Variants in HDLBP observed in about 807,000 individuals in gnomAD.
The protein encoded by HDLBP is high density lipoprotein binding protein, also known as vigilin.
Under a neutral mutation model 137.3 loss-of-function variants are expected in HDLBP, and 30 were observed. The observed-to-expected ratio is 0.22, with a 90% CI of 0.16 to 0.30. The LOEUF (loss-of-function observed/expected upper bound fraction) is 0.30. Among genes scored for constraint, HDLBP ranks in the 10% least tolerant of loss-of-function variants. HDLBP has a pLI of 1.00. For synonymous variants in HDLBP, 606 were observed against 596.0 expected, an observed-to-expected ratio of 1.02 and a Z score of -0.24; for missense variants, 1,119 against 1,667.3, an observed-to-expected ratio of 0.67 and a Z score of 5.73.
Position 241,255,041 on chromosome 2 carries a change from G to T in HDLBP, c.1188+10C>A. ...AAATTCAATACAACAGGTGAAAAAC[G>T]TGTCCTTACCTTTGGCATCTGCTGA... is the stretch of plus-strand genomic sequence containing the variant. On this transcript the variant is annotated intron_variant, in intron 9 of 27. Coordinates refer to ENST00000310931, the MANE Select transcript of HDLBP (RefSeq NM_005336.6). 1 of 1,572,800 alleles carries T rather than the reference G, an allele frequency of 6.4e-7. No individual in the cohort carries two copies. The highest frequency in any genetic ancestry group is 8.8e-7 in the Non-Finnish European group (1 of 1,142,476).
intron 17 of HDLBP, among the ~76,000 whole-genome samples, chr2:241,241,036 T>G (rs2071161764): frequency 6.6e-6 from 1 of 151,904 alleles, no homozygotes; most frequent in South Asian, 2.1e-4. Context: ...CATCCACAAA[T>G]AGCAGCATTA....
intron 1 of HDLBP, among the ~76,000 whole-genome samples, chr2:241,314,696 G>A (rs2149746694): frequency 6.6e-6 from 1 of 152,232 alleles, no homozygotes; most frequent in East Asian, 1.9e-4. Context: ...TTTTTAAGTC[G>A]AATGGAGAGG....
At chr2:241,292,997 G>T (rs560581346) in intron 1 of HDLBP, among the ~76,000 whole-genome samples, 1 of 151,764 alleles carries the variant, frequency 6.6e-6, no homozygotes, top group Non-Finnish European at 1.5e-5. Flanking sequence ...CACTGCACTC[G>T]GCCTGGGCAA....
rs2149445342 is a variant in HDLBP at position 241,248,275 on chromosome 2, C to T, written c.1586G>A (p.Arg529Gln). 1.2e-6 allele frequency: 2 copies of T among 1,613,922 alleles called. No individual in the cohort carries two copies. The highest frequency in any genetic ancestry group is 1.1e-5 in the South Asian group (1 of 91,074). Reference sequence around the variant, plus strand: ...GAATTTGTCACGAATTTCACGGATCCGTTCACCCTTCTGCCCAATGATTGT... The same window carrying T: ...GAATTTGTCACGAATTTCACGGATCTGTTCACCCTTCTGCCCAATGATTGT... ...HRTIIGQKGE[R>Q]IREIRDKFPE... The change falls in exon 13 of 28, where the codon CGG (arginine) becomes CAG (glutamine). Residue 529 changes from arginine to glutamine, a missense_variant. This residue lies in a region of HDLBP where 425 missense variants were observed against 693.9 expected (regional missense o/e 0.61). Transcript: ENST00000310931.
At position 241,253,500 on chromosome 2, in the gene HDLBP, A is replaced by C; in HGVS notation, c.1189-3T>G. 1 of 1,603,924 alleles carries C rather than the reference A, an allele frequency of 6.2e-7. No homozygotes were observed. The highest frequency in any genetic ancestry group is 8.5e-7 in the Non-Finnish European group (1 of 1,170,786). Reference sequence around the variant, plus strand: ...CCCTCTGTGAACTCGATGTGAACCTACCACACCAAAACCAAAGAGATAGCT... The same window carrying C: ...CCCTCTGTGAACTCGATGTGAACCTCCCACACCAAAACCAAAGAGATAGCT... On this transcript the variant is annotated splice_polypyrimidine_tract_variant and splice_region_variant and intron_variant, in intron 9 of 27. Transcript: ENST00000310931.
Position 241,272,226 on chromosome 2 carries a change from T to G in HDLBP, c.-102-3685A>C. Reference sequence around the variant, plus strand: ...GCTGCGGGGGCCCCGCCGCCCGGTCTGCGCCCAGACCCCCGCCCCGCCGCC... The same window carrying G: ...GCTGCGGGGGCCCCGCCGCCCGGTCGGCGCCCAGACCCCCGCCCCGCCGCC... On this transcript the variant is annotated intron_variant, in intron 1 of 27. Coordinates refer to ENST00000310931, the MANE Select transcript of HDLBP (RefSeq NM_005336.6). The surrounding 1 kb of genome is among the most constrained non-coding windows in gnomAD (Gnocchi z 5.6). The G allele has an allele frequency of 1.0e-6, 1 of 976,784 alleles. No homozygotes were observed. The highest frequency in any genetic ancestry group is 1.2e-6 in the Non-Finnish European group (1 of 822,332). The allele number at this position is 976,784 out of a possible 1,614,324, so 60.5% of individuals were successfully genotyped here.
intron 1 of HDLBP, among the ~76,000 whole-genome samples, chr2:241,295,210 T>A (rs1299416003): frequency 6.6e-6 from 1 of 152,152 alleles, no homozygotes; most frequent in Non-Finnish European, 1.5e-5. Context: ...CTATGGAGTT[T>A]AACATCAGCA....
In HDLBP at chr2:241,272,755, G is replaced by A. The variant is rs1002342934; in HGVS notation, c.-102-4214C>T. ...CAGGCCTCCCAGCCCCGTGTTGCGC[G>A]CTCACTCGTGGGCCCCCGCCCGCTG... On this transcript the variant is annotated intron_variant, in intron 1 of 27. Transcript: ENST00000310931. The surrounding 1 kb of genome is among the most constrained non-coding windows in gnomAD (Gnocchi z 5.6). 1.5e-5 allele frequency: 5 copies of A among 337,704 alleles called. No homozygotes were observed. Among genetic ancestry groups the A allele is most frequent in the South Asian group, 1.2e-4 (1 of 8,440 alleles). 20.9% of individuals were successfully genotyped at this position (337,704 alleles called of 1,614,324 possible). A position where few individuals can be genotyped will look rare whatever the true frequency, so the allele number is the denominator to read the frequency against.
intron 11 of HDLBP, chr2:241,250,956 C>T (rs2072095688): frequency 6.6e-6 from 1 of 152,150 alleles, no homozygotes; most frequent in Non-Finnish European, 1.5e-5. Context: ...GTTAGATTTA[C>T]ACTACTGTAC....
At chr2:241,245,211 T>C (rs1377356942) in intron 16 of HDLBP, among the ~76,000 whole-genome samples, 2 of 151,144 alleles carry the variant, frequency 1.3e-5, no homozygotes, top group African/African-American at 4.9e-5. Context: ...TGAGACAAGG[T>C]CTGGCTCTAT....
intron 1 of HDLBP, among the ~76,000 whole-genome samples, chr2:241,278,583 CAAAA>C (rs34809445): frequency 2.1e-5 from 3 of 142,734 alleles, no homozygotes; most frequent in African/African-American, 7.8e-5. Context: ...ACTCCATCTC[CAAAA>C]AAAAAAAAAT....
At chr2:241,310,538 T>A (rs2075727800) in intron 1 of HDLBP, among the ~76,000 whole-genome samples, 1 of 152,190 alleles carries the variant, frequency 6.6e-6, no homozygotes, top group Non-Finnish European at 1.5e-5. Flanking sequence ...TGTACAAGTA[T>A]AATTTGTCAA....
At chr2:241,299,220 G>T (rs1370701780) in intron 1 of HDLBP, among the ~76,000 whole-genome samples, 2 of 152,156 alleles carry the variant, frequency 1.3e-5, no homozygotes, top group African/African-American at 4.8e-5. Flanking sequence ...ACTGTGATTA[G>T]AAAAACTAAA....
intron 1 of HDLBP, among the ~76,000 whole-genome samples, chr2:241,300,955 ATTAT>A (rs2075374788): frequency 2.0e-5 from 1 of 49,338 alleles, no homozygotes; most frequent in Non-Finnish European, 4.3e-5. Context: ...ACATACTATT[ATTAT>A]TATTATTATT....
chr2:241,307,482 A>C (rs1160551687), intron 1 of HDLBP, among the ~76,000 whole-genome samples: 1 of 152,220 alleles, frequency 6.6e-6, no homozygotes, highest in Non-Finnish European at 1.5e-5. Context: ...TGACAGTATT[A>C]ATAGATTAAT....
chr2:241,249,886 G>A lies in HDLBP; in HGVS notation c.1467C>T (p.Gly489=), dbSNP rs766512398. 8 of 1,613,710 alleles carry A rather than the reference G, an allele frequency of 5.0e-6. No individual in the cohort carries two copies. Among genetic ancestry groups the A allele is most frequent in the South Asian group, 2.2e-5 (2 of 91,064 alleles). Residue 489 remains glycine, a synonymous_variant, in exon 12 of 28, where the codon GGC becomes GGT. Coordinates refer to ENST00000310931, the MANE Select transcript of HDLBP (RefSeq NM_005336.6). ...GCAGCTCTCGCTTGGCCTGCTGCAC[G>A]CCCTGTGGGTCCCCCTCGATGCGGA... The part of the protein sequence containing the change: ...NLIRIEGDPQ[G]VQQAKRELLE...
chr2:241,280,092 G>C (rs1314867786), intron 1 of HDLBP: 57 of 985,230 alleles, frequency 5.8e-5, no homozygotes, highest in Non-Finnish European at 6.3e-5. Flanking sequence ...GGAAGTTATT[G>C]GCACCATGGG....
In HDLBP at chr2:241,249,844, G is replaced by A; in HGVS notation, c.1509C>T (p.Arg503=). The change falls in exon 12 of 28, where the codon CGC becomes CGT. Residue 503 remains arginine, a synonymous_variant. Coordinates refer to ENST00000310931, the MANE Select transcript of HDLBP (RefSeq NM_005336.6). ...AGGGCCCAGCCATGGCACTTACCAT[G>A]CGAGATGCAAGCTCCAGCAGCTCTC... is the stretch of plus-strand genomic sequence containing the variant. ...AKRELLELAS[R]MENERTKDLI... is the part of the protein sequence containing the mutation. 1 of 1,603,020 alleles carries A rather than the reference G, an allele frequency of 6.2e-7. No homozygotes were observed. Among genetic ancestry groups the A allele is most frequent in the South Asian group, 1.1e-5 (1 of 89,306 alleles).
At chr2:241,284,931 G>A (rs2074747666) in intron 1 of HDLBP, among the ~76,000 whole-genome samples, 1 of 152,208 alleles carries the variant, frequency 6.6e-6, no homozygotes, top group South Asian at 2.1e-4. Flanking sequence ...CTGGAGTGCA[G>A]TGGCACAGTC....
Sources: gnomAD v4.1 joint callset for allele counts (sites outside exome capture counted in the v4.1 genomes callset) on GRCh38, gnomAD v4.1.1 for gene constraint, gnomAD v4.1.1 regional missense constraint, Gnocchi (gnomAD v3.1) non-coding constraint, MANE v1.5 for transcripts, NCBI Gene and HGNC (gene_info 2026-07-23, HGNC 2026-07-21) for gene names.